Variants in FMNL2 observed in about 807,000 individuals in gnomAD.
The protein encoded by FMNL2 is formin-like protein 2.
FMNL2 carries 51 observed loss-of-function variants against 130.2 expected under a neutral mutation model. The ratio of observed to expected loss-of-function variants is 0.39; its 90% CI spans 0.31 to 0.49. FMNL2 has a LOEUF of 0.49. Among genes scored for constraint, FMNL2 ranks in the 20% least tolerant of loss-of-function variants. The pLI is 0.85. For synonymous variants in FMNL2, 465 were observed against 467.1 expected (o/e 1.00, Z 0.06); for missense variants, 977 against 1,316.2 (o/e 0.74, Z 3.99).
At chr2:152,345,151 T>C (rs1282706274) in intron 1 of FMNL2, among the ~76,000 whole-genome samples, 2 of 152,210 alleles carry the variant, frequency 1.3e-5, no homozygotes, top group Non-Finnish European at 2.9e-5. Context: ...TATAAGGAAC[T>C]GTAGGTAGTT....
At chr2:152,628,654 T>C in intron 18 of FMNL2, 121 bp downstream of exon 18, 1 of 795,300 alleles carries the variant, frequency 1.3e-6, no homozygotes. Context: ...CCCAGAACTT[T>C]CTAAATTGCA....
At chr2:152,582,233 G>A (rs1018702308) in intron 9 of FMNL2, among the ~76,000 whole-genome samples, 2 of 152,094 alleles carry the variant, frequency 1.3e-5, no homozygotes, top group Non-Finnish European at 2.9e-5. Context: ...AGGAAATAAG[G>A]GAAATACTGA....
chr2:152,612,575 A>G (rs755425848), intron 11 of FMNL2, among the ~76,000 whole-genome samples: 9 of 152,300 alleles, frequency 5.9e-5, no homozygotes, highest in Admixed American at 2.6e-4. Flanking sequence ...TCCCTTTTGT[A>G]TAGGAATGGT....
intron 8 of FMNL2, 99 bp downstream of exon 8, chr2:152,579,063 T>G (rs1422501060): frequency 1.1e-6 from 1 of 945,446 alleles, no homozygotes; most frequent in Non-Finnish European, 1.6e-6. Context: ...TTTCAAGTGT[T>G]AATCTCTGAA....
At chr2:152,427,414 T>G (rs532243757) in intron 1 of FMNL2, among the ~76,000 whole-genome samples, 3 of 152,122 alleles carry the variant, frequency 2.0e-5, no homozygotes, top group Admixed American at 6.5e-5. Context: ...AGGCATAGTG[T>G]TGTGCTCCTG....
intron 1 of FMNL2, among the ~76,000 whole-genome samples, chr2:152,428,889 T>G (rs1178743260): frequency 6.6e-6 from 1 of 152,134 alleles, no homozygotes; most frequent in Admixed American, 6.6e-5. Flanking sequence ...CTGGTCTGTC[T>G]AGAGATTCAT....
At chr2:152,558,261 T>C (rs1264220322) in intron 4 of FMNL2, among the ~76,000 whole-genome samples, 3 of 152,190 alleles carry the variant, frequency 2.0e-5, no homozygotes, top group Non-Finnish European at 4.4e-5. Context: ...TGGTCTCTCA[T>C]TGGCTAGTTT....
chr2:152,546,530 A>C (rs1694647741), intron 3 of FMNL2, among the ~76,000 whole-genome samples: 1 of 152,104 alleles, frequency 6.6e-6, no homozygotes, highest in Admixed American at 6.6e-5. Context: ...GCCCACCTCC[A>C]ACATTGGAGG....
chr2:152,576,996 G>A (rs997848076), intron 7 of FMNL2, among the ~76,000 whole-genome samples: 2 of 152,182 alleles, frequency 1.3e-5, no homozygotes, highest in African/African-American at 4.8e-5. Flanking sequence ...TGGTTATAAC[G>A]ACATAATCTG....
Position 152,460,246 on chromosome 2 carries a change from A to T in FMNL2, c.118-61697A>T, listed in dbSNP as rs147761286. The stretch of plus-strand genomic sequence containing the variant: ...ATAGGGACAAAGAATAGCATGTTCT[A>T]TCCATGTAGAACTAAATTGAAATAT... On this transcript the variant is annotated intron_variant, in intron 1 of 25. Coordinates refer to ENST00000288670, the MANE Select transcript of FMNL2 (RefSeq NM_052905.4). Among the ~76,000 whole-genome samples the T allele has an allele frequency of 2.0e-3, 305 of 152,328 alleles. 2 individuals carry two copies. Among genetic ancestry groups the T allele is most frequent in the African/African-American group, 7.1e-3 (294 of 41,574 alleles).
In FMNL2 at chr2:152,615,081, T is replaced by C. The variant is rs1469431560; in HGVS notation, c.1212+81T>C. 5 of 1,493,912 alleles carry C rather than the reference T, an allele frequency of 3.3e-6. No individual in the cohort carries two copies. In the African/African-American group the frequency reaches 5.6e-5, roughly 17 times the overall value. 92.5% of individuals were successfully genotyped at this position (1,493,912 alleles called of 1,614,324 possible). Reference sequence around the variant, plus strand: ...GAATTAATGTCAGCTTTTATGGTGGTAAATTTAAGGATTTGGAGTATAGGA... The same window carrying C: ...GAATTAATGTCAGCTTTTATGGTGGCAAATTTAAGGATTTGGAGTATAGGA... On this transcript the variant is annotated intron_variant, in intron 12 of 25. Coordinates refer to ENST00000288670, the MANE Select transcript of FMNL2 (RefSeq NM_052905.4).
chr2:152,405,437 T>A (rs1051065632), intron 1 of FMNL2, among the ~76,000 whole-genome samples: 5 of 152,232 alleles, frequency 3.3e-5, no homozygotes, highest in African/African-American at 1.2e-4. Flanking sequence ...GAAAGGGAAC[T>A]GTTTGCCTTT....
chr2:152,342,109 C>G (rs976897626), intron 1 of FMNL2, among the ~76,000 whole-genome samples: 3 of 152,154 alleles, frequency 2.0e-5, no homozygotes, highest in Admixed American at 2.0e-4. Context: ...GATGTTTGTT[C>G]TGGAAATTCA....
chr2:152,558,372 G>A (rs1370261376), intron 4 of FMNL2, among the ~76,000 whole-genome samples: 2 of 152,174 alleles, frequency 1.3e-5, no homozygotes, highest in African/African-American at 4.8e-5. Flanking sequence ...CTGCCTCATT[G>A]TCCATAGTCT....
intron 1 of FMNL2, among the ~76,000 whole-genome samples, chr2:152,507,860 A>G (rs1692259212): frequency 6.6e-6 from 1 of 152,180 alleles, no homozygotes; most frequent in Non-Finnish European, 1.5e-5. Context: ...AACAGCTAGT[A>G]ATTGGAATTT....
intron 1 of FMNL2, among the ~76,000 whole-genome samples, chr2:152,424,036 G>A (rs1687047749): frequency 6.6e-6 from 1 of 152,186 alleles, no homozygotes; most frequent in Non-Finnish European, 1.5e-5. Context: ...ATTCTGGGGA[G>A]GGAAGCTCAT....
intron 1 of FMNL2, among the ~76,000 whole-genome samples, chr2:152,403,084 C>G (rs1685797295): frequency 1.3e-5 from 2 of 152,150 alleles, no homozygotes; most frequent in South Asian, 4.2e-4. Context: ...TGTGGCGATT[C>G]AACTGGGGTT....
chr2:152,370,392 C>A (rs894586698), intron 1 of FMNL2, among the ~76,000 whole-genome samples: 3 of 152,148 alleles, frequency 2.0e-5, no homozygotes, highest in Non-Finnish European at 2.9e-5. Context: ...AAGGCCCCAC[C>A]TTTTAATACC....
chr2:152,467,725 A>G (rs996800703), intron 1 of FMNL2, among the ~76,000 whole-genome samples: 7 of 152,226 alleles, frequency 4.6e-5, no homozygotes, highest in Non-Finnish European at 8.8e-5. Flanking sequence ...TACACAGCAT[A>G]TGCATGTGTG....
Sources: gnomAD v4.1 joint callset for allele counts (sites outside exome capture counted in the v4.1 genomes callset) on GRCh38, gnomAD v4.1.1 for gene constraint, MANE v1.5 for transcripts, NCBI Gene and HGNC (gene_info 2026-07-23, HGNC 2026-07-21) for gene names.